The following MTMR8 variants were observed in gnomAD, a reference collection of about 807,000 sequenced individuals.
MTMR8 encodes myotubularin related protein 8.
A neutral mutation model predicts 39.3 loss-of-function variants in MTMR8; 65 were observed. That is an observed-to-expected ratio of 1.65 (90% CI 1.35 to 2.03). MTMR8 has a LOEUF of 2.03. Among genes scored for constraint, MTMR8 ranks in the 30% most tolerant of loss-of-function variants. The pLI, the probability that MTMR8 is intolerant of heterozygous loss-of-function variation, is 0.00. For synonymous variants in MTMR8, 245 were observed against 185.2 expected (o/e 1.32, Z -2.62); for missense variants, 777 against 538.9 (o/e 1.44, Z -4.37).
At chrX:64,349,210 G>T (rs1400856883) in intron 5 of MTMR8, among the ~76,000 whole-genome samples, 2 of 111,465 alleles carry the variant, frequency 1.8e-5, no homozygotes, top group Non-Finnish European at 3.8e-5. Context: ...AAGAAAACAG[G>T]GTTCACTAGT....
intron 12 of MTMR8, among the ~76,000 whole-genome samples, chrX:64,300,268 A>T (rs1013762955): frequency 9.9e-5 from 11 of 111,073 alleles, no homozygotes; most frequent in African/African-American, 3.6e-4. Flanking sequence ...GTGCTCCTGT[A>T]TTGGGTGCAC....
At chrX:64,299,527 C>G (rs1921760649) in intron 12 of MTMR8, among the ~76,000 whole-genome samples, 1 of 92,610 alleles carries the variant, frequency 1.1e-5, no homozygotes, top group South Asian at 6.0e-4. Flanking sequence ...TTTCAAAAAA[C>G]CAGCTCCTGG....
chrX:64,300,204 T>G (rs1463356551), intron 12 of MTMR8, among the ~76,000 whole-genome samples: 3 of 108,651 alleles, frequency 2.8e-5, no homozygotes, highest in Admixed American at 2.0e-4. Context: ...ATTATTAATG[T>G]GTGGGAGTCT....
chrX:64,390,783 G>C (rs562704631), intron 1 of MTMR8, among the ~76,000 whole-genome samples: 3 of 110,285 alleles, frequency 2.7e-5, no homozygotes, highest in African/African-American at 6.6e-5. Context: ...AGCCTCTCGA[G>C]TAGCTGAGAC....
intron 12 of MTMR8, 90 bp from the exon 13 acceptor site, chrX:64,271,163 C>T: frequency 4.2e-6 from 4 of 950,014 alleles, no homozygotes; most frequent in Non-Finnish European, 5.6e-6. Flanking sequence ...AAAATATTGG[C>T]TTAGTAGGTG....
At position 64,348,641 on chromosome X, in the gene MTMR8, A is replaced by G; in HGVS notation, c.732+19T>C. ...TGCAAGAGGCAGAAATATCAAAGAA[A>G]TCACTGAGAAATAGATACCTTTGGT... On this transcript the variant is annotated intron_variant, in intron 6 of 13. Transcript: ENST00000374852. The G allele has an allele frequency of 8.3e-7, 1 of 1,208,181 alleles. No homozygotes were observed. The highest frequency in any genetic ancestry group is 1.1e-6 in the Non-Finnish European group (1 of 893,090).
chrX:64,334,710 A>G (rs1209793708), intron 10 of MTMR8, among the ~76,000 whole-genome samples: 2 of 110,068 alleles, frequency 1.8e-5, no homozygotes, highest in Admixed American at 9.8e-5. Context: ...CTCCTCAAAC[A>G]CGTAATCCTG....
At chrX:64,314,224 G>A (rs928527112) in intron 12 of MTMR8, among the ~76,000 whole-genome samples, 1 of 112,982 alleles carries the variant, frequency 8.9e-6, no homozygotes, top group East Asian at 2.8e-4. Flanking sequence ...GTTTCATAGG[G>A]TGATGGTAGT....
Position 64,268,650 on chromosome X carries a change from C to T in MTMR8, c.2002G>A (p.Gly668Arg). ...CTGGCCTCAGAAATACCCAAGTTTC[C>T]AGAGATGCCAGTGGCCTCAGAGATG... ...MDISEATGIS[G>R]NLGISEARGF... Residue 668 changes from glycine (G) to arginine (R), a missense_variant, in exon 14 of 14, where the codon GGA becomes AGA. Coordinates refer to ENST00000374852, the MANE Select transcript of MTMR8 (RefSeq NM_017677.4). 1 of 1,211,644 alleles carries T rather than the reference C, an allele frequency of 8.3e-7. No individual in the cohort carries two copies. Among genetic ancestry groups the T allele is most frequent in the South Asian group, 1.8e-5 (1 of 56,953 alleles).
chrX:64,328,354 G>GT (rs1922852789), intron 12 of MTMR8, among the ~76,000 whole-genome samples: 1 of 111,953 alleles, frequency 8.9e-6, no homozygotes, highest in African/African-American at 3.2e-5. Flanking sequence ...ATTAATCTCT[G>GT]TTTTGTATTC....
intron 12 of MTMR8, among the ~76,000 whole-genome samples, chrX:64,298,971 T>A (rs1416207367): frequency 3.8e-4 from 27 of 70,893 alleles, no homozygotes; most frequent in Non-Finnish European, 2.1e-4. Flanking sequence ...TGCTGCTGGA[T>A]TCGGTTTGCC....
chrX:64,310,567 G>A (rs1922264224), intron 12 of MTMR8, among the ~76,000 whole-genome samples: 1 of 110,826 alleles, frequency 9.0e-6, no homozygotes, highest in South Asian at 3.9e-4. Context: ...TTGACACATA[G>A]GTATACATGT....
intron 12 of MTMR8, among the ~76,000 whole-genome samples, chrX:64,318,064 A>G (rs750086373): frequency 1.8e-5 from 2 of 112,516 alleles, no homozygotes; most frequent in Non-Finnish European, 3.8e-5. Context: ...ACTCTCCACT[A>G]GCCTTCCTCT....
rs370989919 is a variant in MTMR8 at position 64,362,915 on chromosome X, A to T, written c.25-3388T>A. Among the ~76,000 whole-genome samples the T allele has an allele frequency of 4.5e-4, 50 of 111,578 alleles. 1 individual carries two copies. The South Asian group carries it at 0.017, about 39-fold the overall frequency. ...GAAAAAGAGGCCCCAAAAGAAAAAT[A>T]TATGAAGCATAAGAACAGGCAAGTT... On this transcript the variant is annotated intron_variant, in intron 1 of 13. Coordinates refer to ENST00000374852, the MANE Select transcript of MTMR8 (RefSeq NM_017677.4).
intron 5 of MTMR8, among the ~76,000 whole-genome samples, chrX:64,349,516 T>C (rs1923430251): frequency 9.0e-6 from 1 of 110,789 alleles, no homozygotes; most frequent in South Asian, 3.8e-4. Flanking sequence ...AGTAAGGGGA[T>C]TGAAACACAG....
At chrX:64,357,457 C>T (rs1043386320) in intron 2 of MTMR8, among the ~76,000 whole-genome samples, 1 of 111,472 alleles carries the variant, frequency 9.0e-6, no homozygotes, top group African/African-American at 3.3e-5. Context: ...CAGGGTCTCG[C>T]TCTGTTGCCT....
intron 12 of MTMR8, among the ~76,000 whole-genome samples, chrX:64,288,989 C>T (rs1402377394): frequency 2.7e-5 from 3 of 109,636 alleles, no homozygotes; most frequent in Non-Finnish European, 5.7e-5. Context: ...GCATGTTGTG[C>T]ACATGTACCC....
intron 6 of MTMR8, 151 bp from the exon 7 acceptor site, chrX:64,345,328 T>C (rs1367581330): frequency 1.9e-6 from 1 of 538,747 alleles, no homozygotes; most frequent in East Asian, 3.9e-5. Flanking sequence ...ATGGAGAGAA[T>C]TTCACTAGTT....
intron 12 of MTMR8, among the ~76,000 whole-genome samples, chrX:64,303,039 C>T (rs570687567): frequency 8.9e-5 from 10 of 112,643 alleles, no homozygotes; most frequent in Non-Finnish European, 1.9e-4. Flanking sequence ...TTAAAGTTTG[C>T]TGTGCGTTAA....
Sources: allele counts gnomAD v4.1 joint callset (sites outside exome capture counted in the v4.1 genomes callset), GRCh38; gene constraint gnomAD v4.1.1; transcripts MANE v1.5; gene names NCBI Gene and HGNC (gene_info 2026-07-23, HGNC 2026-07-21).